RTN4RL1: variants seen among roughly 807,000 people sequenced by gnomAD.
RTN4RL1 encodes reticulon-4 receptor-like 1.
In RTN4RL1, 7 loss-of-function variants were observed where a neutral mutation model predicts 25.6. That is an observed-to-expected ratio of 0.27 (90% CI 0.16 to 0.51). The LOEUF (loss-of-function observed/expected upper bound fraction) is 0.51. Ranked by LOEUF, RTN4RL1 falls within the 20% of genes least tolerant of loss-of-function variation. RTN4RL1 has a pLI of 0.97. For synonymous variants in RTN4RL1, 297 were observed against 288.2 expected (o/e 1.03, Z -0.31); for missense variants, 500 against 615.6 (o/e 0.81, Z 1.99).
Position 1,998,129 on chromosome 17 carries a change from G to A in RTN4RL1, c.13+26724C>T, listed in dbSNP as rs974623619. On this transcript the variant is annotated intron_variant, in intron 1 of 1. Coordinates refer to ENST00000331238, the MANE Select transcript of RTN4RL1 (RefSeq NM_178568.4). This position sits in a 1 kb window ranked among gnomAD's most constrained non-coding sequence, Gnocchi z 4.9. ...GCCGGGGCTGGCAGGGGAGCCAGAC[G>A]GCGGCGGAGGGGGCGGGGAGGCCTC... 8.5e-5 allele frequency among the ~76,000 whole-genome samples: 13 copies of A among 152,284 alleles called. No individual in the cohort carries two copies. The highest frequency in any genetic ancestry group is 4.1e-4 in the South Asian group (2 of 4,832).
At position 1,994,249 on chromosome 17, in the gene RTN4RL1, G is replaced by A. The variant is rs2066920825; in HGVS notation, c.13+30604C>T. Reference sequence around the variant, plus strand: ...GGGCAAGAGCTGGGGAGGACAAAGCGGCTTTCACTCCATCCCTTATGGGGA... The same window carrying A: ...GGGCAAGAGCTGGGGAGGACAAAGCAGCTTTCACTCCATCCCTTATGGGGA... On this transcript the variant is annotated intron_variant, in intron 1 of 1. Coordinates refer to ENST00000331238, the MANE Select transcript of RTN4RL1 (RefSeq NM_178568.4). The surrounding 1 kb of genome is among the most constrained non-coding windows in gnomAD (Gnocchi z 4.3). Among the ~76,000 whole-genome samples the A allele has an allele frequency of 1.3e-5, 2 of 152,128 alleles. No individual in the cohort carries two copies. The highest frequency in any genetic ancestry group is 6.6e-5 in the Admixed American group (1 of 15,254).
chr17:1,963,800 C>T (rs181679083), intron 1 of RTN4RL1, among the ~76,000 whole-genome samples: 33 of 152,208 alleles, frequency 2.2e-4, no homozygotes, highest in Non-Finnish European at 4.1e-4. Context: ...GGTGCGATCT[C>T]GGCTGAGCGC....
chr17:1,985,208 A>G (rs1162212995), intron 1 of RTN4RL1, among the ~76,000 whole-genome samples: 5 of 152,194 alleles, frequency 3.3e-5, no homozygotes, highest in Admixed American at 3.3e-4. Flanking sequence ...GCTGGACTCC[A>G]CAAGCCTGTG....
chr17:2,005,404 A>AC (rs1322118711), intron 1 of RTN4RL1, among the ~76,000 whole-genome samples: 3 of 152,186 alleles, frequency 2.0e-5, no homozygotes, highest in Non-Finnish European at 4.4e-5. Flanking sequence ...AAGTCTGGAG[A>AC]AAAAAGGTAA....
chr17:1,958,556 A>G (rs1597494886), intron 1 of RTN4RL1, among the ~76,000 whole-genome samples: 1 of 152,348 alleles, frequency 6.6e-6, no homozygotes, highest in East Asian at 1.9e-4. Context: ...AACTTGTCTT[A>G]AGTGCCAGCC....
intron 1 of RTN4RL1, among the ~76,000 whole-genome samples, chr17:1,981,037 G>A (rs2066865213): frequency 1.3e-5 from 2 of 151,912 alleles, no homozygotes; most frequent in Admixed American, 6.6e-5. Context: ...AGGCACTGAT[G>A]GGGTAAAGTG....
intron 1 of RTN4RL1, among the ~76,000 whole-genome samples, chr17:2,001,831 C>T (rs1157402094): frequency 6.6e-6 from 1 of 152,150 alleles, no homozygotes. Context: ...GAAGGGGTGA[C>T]TGCGGGATTC....
chr17:1,940,058 C>T (rs370478137), intron 1 of RTN4RL1, among the ~76,000 whole-genome samples: 16 of 152,338 alleles, frequency 1.1e-4, no homozygotes, highest in Middle Eastern at 3.4e-3. Flanking sequence ...CCCAGGCTCA[C>T]GGCCCAGCAG....
intron 1 of RTN4RL1, among the ~76,000 whole-genome samples, chr17:1,942,415 T>C (rs1443382378): frequency 6.6e-6 from 1 of 151,758 alleles, no homozygotes; most frequent in Non-Finnish European, 1.5e-5. Context: ...GGGGGCTCAC[T>C]AGGAGATGGG....
chr17:2,005,923 A>T (rs1348061433), intron 1 of RTN4RL1, among the ~76,000 whole-genome samples: 2 of 149,496 alleles, frequency 1.3e-5, no homozygotes, highest in Non-Finnish European at 1.5e-5. Flanking sequence ...CAGCCTCCCG[A>T]GTACCTGGGA....
rs1460395321 is a variant in RTN4RL1 at position 2,024,918 on chromosome 17, G to A, written c.-53C>T. 1.9e-6 allele frequency: 3 copies of A among 1,547,938 alleles called. No individual in the cohort carries two copies. Among genetic ancestry groups the A allele is most frequent in the Non-Finnish European group, 2.6e-6 (3 of 1,145,866 alleles). ...TCGGCCTAGGCGCACTCCCTCCCGG[G>A]GTCCAGATTCAAATCCCTGGGCGCC... On this transcript the variant is annotated 5_prime_UTR_variant, in exon 1 of 2. Coordinates refer to ENST00000331238, the MANE Select transcript of RTN4RL1 (RefSeq NM_178568.4).
Position 1,936,584 on chromosome 17 carries a change from G to A in RTN4RL1, c.1238C>T (p.Pro413Leu), listed in dbSNP as rs1211003447. 3.2e-6 allele frequency: 5 copies of A among 1,576,602 alleles called. No homozygotes were observed. Among genetic ancestry groups the A allele is most frequent in the Admixed American group, 1.9e-5 (1 of 53,626 alleles). Residue 413 changes from proline to leucine, a missense_variant, in exon 2 of 2, where the codon CCC becomes CTC. Physicochemically the swap from Pro to Leu is moderately conservative, Grantham distance 98. Around this residue, in one of 2 missense-constraint regions of RTN4RL1, gnomAD observed 268 missense variants for 274.5 expected, o/e 0.98. Transcript: ENST00000331238. Reference sequence around the variant, plus strand: ...CGAGGAGGCCTGCTGCACCCCGCTGGGGGCACGGATGGGGGTCCTGCGGGC... The same window carrying A: ...CGAGGAGGCCTGCTGCACCCCGCTGAGGGCACGGATGGGGGTCCTGCGGGC... ...KCARRTPIRA[P>L]SGVQQASSAS...
rs566831183 is a variant in RTN4RL1, at chr17:2,007,680, T to C, written c.13+17173A>G. On this transcript the variant is annotated intron_variant, in intron 1 of 1. Transcript: ENST00000331238. ...CTGAGGCTTGGCTGGGCACAGTGGC[T>C]CACGCCTGTAATCCCAGCACTTTGG... Among the ~76,000 whole-genome samples the C allele has an allele frequency of 2.0e-4, 30 of 152,336 alleles. No individual in the cohort carries two copies. The South Asian group carries it at 6.2e-3, about 32-fold the overall frequency.
intron 1 of RTN4RL1, among the ~76,000 whole-genome samples, chr17:1,952,332 GTTTTTTT>G (rs56878786): frequency 1.5e-5 from 2 of 135,420 alleles, no homozygotes; most frequent in Non-Finnish European, 3.1e-5. Context: ...AGGGAGGTTG[GTTTTTTT>G]TTTTTTTTTT....
At chr17:1,945,675 C>T (rs1406108330) in intron 1 of RTN4RL1, among the ~76,000 whole-genome samples, 1 of 152,246 alleles carries the variant, frequency 6.6e-6, no homozygotes, top group East Asian at 1.9e-4. Flanking sequence ...TACCCCACAG[C>T]ATTCCCCCTC....
intron 1 of RTN4RL1, among the ~76,000 whole-genome samples, chr17:1,975,828 C>G (rs2066840545): frequency 6.6e-6 from 1 of 152,128 alleles, no homozygotes; most frequent in South Asian, 2.1e-4. Context: ...TCAAGACGAT[C>G]TACCTCACGG....
intron 1 of RTN4RL1, among the ~76,000 whole-genome samples, chr17:1,972,794 A>G (rs978196640): frequency 6.6e-6 from 1 of 152,164 alleles, no homozygotes; most frequent in Admixed American, 6.5e-5. Context: ...AGACTCCTCC[A>G]CAGGCCCATT....
Position 1,965,257 on chromosome 17 carries a change from G to A in RTN4RL1, c.14-27449C>T, listed in dbSNP as rs145071771. On this transcript the variant is annotated intron_variant, in intron 1 of 1. Transcript: ENST00000331238. ...CCCAAGTAGCTGGGATTACAGGCGC[G>A]CGCCCCCCATGCCCAGCTCGTTTTT... Among the ~76,000 whole-genome samples the A allele has an allele frequency of 5.2e-3, 791 of 151,588 alleles. 8 individuals carry two copies. The highest frequency in any genetic ancestry group is 8.6e-3 in the Non-Finnish European group (586 of 67,898).
intron 1 of RTN4RL1, among the ~76,000 whole-genome samples, chr17:2,018,498 C>T (rs1221506272): frequency 6.6e-6 from 1 of 152,176 alleles, no homozygotes; most frequent in African/African-American, 2.4e-5. Context: ...GAGGGGAGTG[C>T]ATAGGAACCA....
Sources: allele counts gnomAD v4.1 joint callset (sites outside exome capture counted in the v4.1 genomes callset), GRCh38; gene constraint gnomAD v4.1.1; regional missense constraint gnomAD v4.1.1; non-coding constraint Gnocchi (gnomAD v3.1); transcripts MANE v1.5; gene names NCBI Gene and HGNC (gene_info 2026-07-23, HGNC 2026-07-21).